Variants in SIPA1L3 observed in about 807,000 individuals in gnomAD.
SIPA1L3 encodes signal-induced proliferation-associated 1-like protein 3.
In SIPA1L3, 59 loss-of-function variants were observed where a neutral mutation model predicts 150.1. The observed-to-expected ratio is 0.39, with a 90% CI of 0.32 to 0.49. The LOEUF is 0.49. Among genes scored for constraint, SIPA1L3 ranks in the 20% least tolerant of loss-of-function variants. The pLI, the probability that SIPA1L3 is intolerant of heterozygous loss-of-function variation, is 0.86. For synonymous variants in SIPA1L3, 1,070 were observed against 1,077.6 expected, an observed-to-expected ratio of 0.99 and a Z score of 0.14; for missense variants, 2,211 against 2,489.5, an observed-to-expected ratio of 0.89 and a Z score of 2.38.
Position 38,082,506 on chromosome 19 carries a change from C to A in SIPA1L3, c.941C>A (p.Ala314Asp). The A allele has an allele frequency of 6.3e-7, 1 of 1,595,980 alleles. No homozygotes were observed. Reference protein sequence around the residue: ...KLRSSKPEGEAGRSPGEADEG... With the variant: ...KLRSSKPEGEDGRSPGEADEG... ...AGGAGCAGCAAACCCGAGGGGGAGG[C>A]TGGGCGTTCCCCGGGGGAGGCCGAC... The change falls in exon 3 of 22, where the codon GCT (alanine) becomes GAT (aspartate). Residue 314 changes from alanine (A) to aspartate (D), a missense_variant. Physicochemically the swap from Ala to Asp is moderately radical, Grantham distance 126 (BLOSUM62 -2). Coordinates refer to ENST00000222345, the MANE Select transcript of SIPA1L3 (RefSeq NM_015073.3).
At chr19:38,025,093 C>T (rs1001983056) in intron 1 of SIPA1L3, among the ~76,000 whole-genome samples, 1 of 152,196 alleles carries the variant, frequency 6.6e-6, no homozygotes, top group Non-Finnish European at 1.5e-5. Context: ...GCCTTACCAC[C>T]CATCTGTTTC....
chr19:37,999,944 C>T (rs1275103236), intron 1 of SIPA1L3, among the ~76,000 whole-genome samples: 1 of 152,194 alleles, frequency 6.6e-6, no homozygotes, highest in Non-Finnish European at 1.5e-5. Context: ...TCAAATCCCA[C>T]CACCCCCACT....
chr19:38,037,682 C>T (rs911915642), intron 2 of SIPA1L3, among the ~76,000 whole-genome samples: 9 of 152,218 alleles, frequency 5.9e-5, no homozygotes, highest in African/African-American at 2.2e-4. Flanking sequence ...AGGAGCGGGA[C>T]ACAGGCAGTG....
chr19:37,917,038 A>C (rs778480991), intron 1 of SIPA1L3, among the ~76,000 whole-genome samples: 1 of 152,238 alleles, frequency 6.6e-6, no homozygotes, highest in Non-Finnish European at 1.5e-5. Flanking sequence ...TTGAAAAGTA[A>C]AAGGAAGCAG....
chr19:38,158,270 A>G (rs1241044410), intron 13 of SIPA1L3, among the ~76,000 whole-genome samples: 2 of 152,322 alleles, frequency 1.3e-5, no homozygotes, highest in East Asian at 3.9e-4. Flanking sequence ...AGTGTGCAGA[A>G]GGAGATTTAC....
chr19:37,970,801 A>G (rs1966914544), intron 1 of SIPA1L3, among the ~76,000 whole-genome samples: 1 of 152,212 alleles, frequency 6.6e-6, no homozygotes, highest in African/African-American at 2.4e-5. Flanking sequence ...AGTGAGGTAG[A>G]GGTTTGGCTG....
intron 1 of SIPA1L3, among the ~76,000 whole-genome samples, chr19:37,910,350 C>A (rs944548351): frequency 2.0e-5 from 3 of 151,936 alleles, no homozygotes; most frequent in African/African-American, 7.3e-5. Flanking sequence ...GGGTGGATCA[C>A]TTGAGCCCAG....
Position 38,165,000 on chromosome 19 carries a change from C to T in SIPA1L3, c.4208+94C>T. On this transcript the variant is annotated intron_variant, in intron 15 of 21. Coordinates refer to ENST00000222345, the MANE Select transcript of SIPA1L3 (RefSeq NM_015073.3). This position sits in a 1 kb window ranked among gnomAD's most constrained non-coding sequence, Gnocchi z 4.1. ...ATGGTGGGGTTCTCCTCCCCAGAAACACACTCACGGATGAATGCGCCTAGT... is the reference window on the plus strand; with the variant it reads ...ATGGTGGGGTTCTCCTCCCCAGAAATACACTCACGGATGAATGCGCCTAGT... 1 of 1,229,930 alleles carries T rather than the reference C, an allele frequency of 8.1e-7. No individual in the cohort carries two copies. Among genetic ancestry groups the T allele is most frequent in the Non-Finnish European group, 1.1e-6 (1 of 909,910 alleles). The allele number at this position is 1,229,930 out of a possible 1,614,324, so 76.2% of individuals were successfully genotyped here.
At chr19:38,176,360 T>A (rs897803485) in intron 15 of SIPA1L3, among the ~76,000 whole-genome samples, 42 of 151,932 alleles carry the variant, frequency 2.8e-4, no homozygotes, top group Admixed American at 1.3e-3. Flanking sequence ...TAATTAGACT[T>A]TTTTTAGGGT....
At chr19:37,977,499 T>C (rs1187930751) in intron 1 of SIPA1L3, among the ~76,000 whole-genome samples, 1 of 152,136 alleles carries the variant, frequency 6.6e-6, no homozygotes, top group African/African-American at 2.4e-5. Flanking sequence ...CAGCTTGAAA[T>C]TGAAATCCCT....
intron 1 of SIPA1L3, among the ~76,000 whole-genome samples, chr19:38,011,382 G>C (rs561077103): frequency 1.3e-5 from 2 of 152,110 alleles, no homozygotes; most frequent in Non-Finnish European, 2.9e-5. Context: ...AGGCTAAGGT[G>C]GGGGAATCAC....
At chr19:38,029,737 T>G (rs1354325917) in intron 2 of SIPA1L3, among the ~76,000 whole-genome samples, 1 of 152,070 alleles carries the variant, frequency 6.6e-6, no homozygotes, top group Non-Finnish European at 1.5e-5. Flanking sequence ...TAGCTGGGAT[T>G]ACTAGGCATG....
At chr19:37,952,051 T>G (rs970001774) in intron 1 of SIPA1L3, among the ~76,000 whole-genome samples, 76 of 152,134 alleles carry the variant, frequency 5.0e-4, no homozygotes, top group Admixed American at 3.4e-3. Context: ...GGTGAGTCAG[T>G]CCAATCAGAA....
chr19:37,982,623 T>G (rs1599865515), intron 1 of SIPA1L3, among the ~76,000 whole-genome samples: 1 of 152,324 alleles, frequency 6.6e-6, no homozygotes, highest in Non-Finnish European at 1.5e-5. Context: ...ACCGTCTGGA[T>G]CAAAGCCCGC....
Position 38,130,576 on chromosome 19 carries a change from T to C in SIPA1L3, c.2947T>C (p.Tyr983His). The C allele has an allele frequency of 1.2e-6, 2 of 1,613,798 alleles. No individual in the cohort carries two copies. Among genetic ancestry groups the C allele is most frequent in the South Asian group, 1.1e-5 (1 of 91,068 alleles). Residue 983 changes from tyrosine (Y) to histidine (H), a missense_variant, in exon 10 of 22, where the codon TAC (tyrosine) becomes CAC (histidine). Around this residue, in one of 5 missense-constraint regions of SIPA1L3, gnomAD observed 625 missense variants for 804.2 expected, o/e 0.78. Transcript: ENST00000222345. Reference sequence around the variant, plus strand: ...CGGGCAGCTGGGCTTCCACGTGAAGTACGACGGCACGGTGGCCGAGGTTGA... The same window carrying C: ...CGGGCAGCTGGGCTTCCACGTGAAGCACGACGGCACGGTGGCCGAGGTTGA... ...GLGQLGFHVK[Y>H]DGTVAEVEDY...
intron 1 of SIPA1L3, among the ~76,000 whole-genome samples, chr19:38,012,358 T>TTACAGG (rs1484459087): frequency 1.3e-5 from 2 of 152,108 alleles, no homozygotes; most frequent in Non-Finnish European, 2.9e-5. Flanking sequence ...AGCCCTGGGA[T>TTACAGG]TACAGGTGTG....
At chr19:37,948,231 T>G (rs1222132202) in intron 1 of SIPA1L3, among the ~76,000 whole-genome samples, 1 of 152,002 alleles carries the variant, frequency 6.6e-6, no homozygotes, top group African/African-American at 2.4e-5. Flanking sequence ...AACCTCACAG[T>G]GGATTAAATT....
Position 38,206,543 on chromosome 19 carries a change from T to G in SIPA1L3, c.*303T>G. 2 of 269,230 alleles carry G rather than the reference T, an allele frequency of 7.4e-6. No homozygotes were observed. Among genetic ancestry groups the G allele is most frequent in the Non-Finnish European group, 1.4e-5 (2 of 143,316 alleles). The allele number at this position is 269,230 out of a possible 1,614,324, so 16.7% of individuals were successfully genotyped here. A position where few individuals can be genotyped will look rare whatever the true frequency, so the allele number is the denominator to read the frequency against. ...TGCCCCGCTGTCCCCATCTAGCCTC[T>G]TCCTGGGACCAGCCCTTCGAAGCTG... On this transcript the variant is annotated 3_prime_UTR_variant, in exon 22 of 22. Transcript: ENST00000222345.
chr19:38,202,947 T>C (rs949463943), intron 20 of SIPA1L3, among the ~76,000 whole-genome samples: 4 of 152,120 alleles, frequency 2.6e-5, no homozygotes, highest in African/African-American at 9.7e-5. Context: ...GAAAACAAAA[T>C]TAAAAAGAGG....
Sources: allele counts gnomAD v4.1 joint callset (sites outside exome capture counted in the v4.1 genomes callset), GRCh38; gene constraint gnomAD v4.1.1; regional missense constraint gnomAD v4.1.1; non-coding constraint Gnocchi (gnomAD v3.1); transcripts MANE v1.5; gene names NCBI Gene and HGNC (gene_info 2026-07-23, HGNC 2026-07-21).